Variants in ITSN1 observed in about 807,000 individuals in gnomAD.
The protein encoded by ITSN1 is intersectin 1, also known as intersectin-1.
Under a neutral mutation model 239.8 loss-of-function variants are expected in ITSN1, and 58 were observed. The observed-to-expected ratio is 0.24, with a 90% CI of 0.20 to 0.30. The LOEUF is 0.30. ITSN1 is among the 10% of genes least tolerant of loss of function. The pLI is 1.00. For synonymous variants in ITSN1, 780 were observed against 770.8 expected, an observed-to-expected ratio of 1.01 and a Z score of -0.20; for missense variants, 1,558 against 2,103.3, an observed-to-expected ratio of 0.74 and a Z score of 5.07.
chr21:33,876,111 T>A (rs1459393652), intron 34 of ITSN1, among the ~76,000 whole-genome samples: 1 of 2,850 alleles, frequency 3.5e-4, no homozygotes, highest in Non-Finnish European at 5.4e-4. Flanking sequence ...CCTTCTTTCT[T>A]TCTTTCTTTC....
intron 4 of ITSN1, among the ~76,000 whole-genome samples, chr21:33,729,492 G>A (rs566638640): frequency 1.8e-4 from 27 of 151,862 alleles, no homozygotes; most frequent in Admixed American, 7.9e-4. Flanking sequence ...CTAGTAAGTA[G>A]TGTAAACCAA....
At chr21:33,853,800 C>G (rs1315845538) in intron 29 of ITSN1, among the ~76,000 whole-genome samples, 1 of 152,210 alleles carries the variant, frequency 6.6e-6, no homozygotes. Context: ...CAAGAACACA[C>G]TCTCAGCCCT....
At chr21:33,845,605 T>A (rs2074967349) in intron 29 of ITSN1, among the ~76,000 whole-genome samples, 1 of 152,100 alleles carries the variant, frequency 6.6e-6, no homozygotes, top group Non-Finnish European at 1.5e-5. Context: ...TGTGCTGAAT[T>A]TTAGCACGGC....
intron 31 of ITSN1, 41 bp downstream of exon 31, chr21:33,858,833 C>T (rs1235944711): frequency 2.0e-5 from 24 of 1,220,996 alleles, no homozygotes; most frequent in Admixed American, 5.2e-5. Flanking sequence ...TTGGCCTCCT[C>T]GGCTCTCATG....
chr21:33,788,902 G>A (rs898649602), intron 16 of ITSN1, among the ~76,000 whole-genome samples: 1 of 152,274 alleles, frequency 6.6e-6, no homozygotes, highest in East Asian at 1.9e-4. Flanking sequence ...GATCGTGCCT[G>A]TGAGTAGCCG....
At chr21:33,806,737 C>T (rs572423251) in intron 20 of ITSN1, among the ~76,000 whole-genome samples, 78 of 152,262 alleles carry the variant, frequency 5.1e-4, no homozygotes, top group Middle Eastern at 6.8e-3. Context: ...TTACAGTGTG[C>T]CTGATAAATG....
At chr21:33,802,926 G>A (rs1489035423) in intron 20 of ITSN1, among the ~76,000 whole-genome samples, 1 of 152,154 alleles carries the variant, frequency 6.6e-6, no homozygotes, top group African/African-American at 2.4e-5. Flanking sequence ...ATGAGACCAA[G>A]GGTTACATAA....
At chr21:33,783,131 T>G (rs1051996705) in intron 16 of ITSN1, among the ~76,000 whole-genome samples, 1 of 152,252 alleles carries the variant, frequency 6.6e-6, no homozygotes, top group Non-Finnish European at 1.5e-5. Context: ...ATTTTTGTTA[T>G]TCTTATAAGA....
intron 1 of ITSN1, among the ~76,000 whole-genome samples, chr21:33,718,259 A>G (rs564931852): frequency 1.3e-5 from 2 of 152,338 alleles, no homozygotes; most frequent in African/African-American, 2.4e-5. Flanking sequence ...AGCTTTGATT[A>G]TAACCATCAA....
rs563358078 is a variant in ITSN1 at position 33,787,136 on chromosome 21, G to T, written c.1824+5003G>T. Reference sequence around the variant, plus strand: ...TGACGAGTTGCGTGTGTGTATGGTGGTGTAAACTGAATTACAGGCTGGACA... The same window carrying T: ...TGACGAGTTGCGTGTGTGTATGGTGTTGTAAACTGAATTACAGGCTGGACA... On this transcript the variant is annotated intron_variant, in intron 16 of 39. Coordinates refer to ENST00000381318, the MANE Select transcript of ITSN1 (RefSeq NM_003024.3). Among the ~76,000 whole-genome samples, 4 of 152,294 alleles carry T rather than the reference G, an allele frequency of 2.6e-5. No homozygotes were observed. The South Asian group carries it at 8.3e-4, about 32-fold the overall frequency.
rs958407310 is a variant in ITSN1 at position 33,714,048 on chromosome 21, T to G, written c.-32-4749T>G. Among the ~76,000 whole-genome samples the G allele has an allele frequency of 2.0e-5, 3 of 152,060 alleles. No homozygotes were observed. The South Asian group carries it at 6.3e-4, about 32-fold the overall frequency. ...GGTTTTACCGTGTTAGCCAGGATGG[T>G]CTCCATCTCTTGACCTCGTGATCCA... On this transcript the variant is annotated intron_variant, in intron 1 of 39. Transcript: ENST00000381318.
intron 14 of ITSN1, among the ~76,000 whole-genome samples, chr21:33,777,505 T>A (rs2069735592): frequency 6.6e-6 from 1 of 152,238 alleles, no homozygotes; most frequent in African/African-American, 2.4e-5. Flanking sequence ...TTTGTTGGAA[T>A]TCCATTGAAT....
intron 29 of ITSN1, among the ~76,000 whole-genome samples, chr21:33,849,397 C>T (rs2075086701): frequency 6.6e-6 from 1 of 151,962 alleles, no homozygotes; most frequent in African/African-American, 2.4e-5. Context: ...GAAACCCTGT[C>T]TCTATTAAAA....
chr21:33,799,980 T>G, intron 19 of ITSN1, 51 bp downstream of exon 19: 1 of 1,568,366 alleles, frequency 6.4e-7, no homozygotes, highest in South Asian at 1.2e-5. Flanking sequence ...TTAGCCTCTG[T>G]CCTCTTTTTT....
rs9974956 is a variant in ITSN1, at chr21:33,728,036, C to T, written c.185+5385C>T. ...AAGCTGGGCAGTGGCGCAATCTGGG[C>T]TCACTGCAACCTCTGTCTCCCGGGT... On this transcript the variant is annotated intron_variant, in intron 4 of 39. Coordinates refer to ENST00000381318, the MANE Select transcript of ITSN1 (RefSeq NM_003024.3). 8.2e-3 allele frequency among the ~76,000 whole-genome samples: 1,239 copies of T among 151,252 alleles called. 19 individuals carry two copies. The highest frequency in any genetic ancestry group is 0.028 in the African/African-American group (1,140 of 41,012).
In ITSN1 at chr21:33,886,547, C is replaced by T. The variant is rs912433538; in HGVS notation, c.5017+87C>T. 62 of 1,214,798 alleles carry T rather than the reference C, an allele frequency of 5.1e-5. 1 individual carries two copies. In the South Asian group the frequency reaches 9.3e-4, roughly 18 times the overall value. The allele number at this position is 1,214,798 out of a possible 1,614,324, so 75.3% of individuals were successfully genotyped here. The stretch of plus-strand genomic sequence containing the variant: ...TGTTTTCTTACCTGGGGACTTGGTG[C>T]CAGGATTCCTTCGGTTTCCCTCCTG... On this transcript the variant is annotated intron_variant, in intron 39 of 39. Transcript: ENST00000381318.
intron 1 of ITSN1, among the ~76,000 whole-genome samples, chr21:33,653,001 T>TC (rs2088681490): frequency 6.6e-6 from 1 of 150,950 alleles, no homozygotes; most frequent in African/African-American, 2.4e-5. Context: ...GAAGTTCTTT[T>TC]TTTTTTTTTT....
At chr21:33,776,544 C>CA (rs34789155) in intron 14 of ITSN1, among the ~76,000 whole-genome samples, 3,917 of 88,554 alleles carry the variant, frequency 0.044, 121 homozygotes, top group Admixed American at 0.098. Context: ...AGACCCTGTT[C>CA]AAAAAAAAAA....
chr21:33,732,180 G>A (rs2066228000), intron 4 of ITSN1, among the ~76,000 whole-genome samples: 1 of 152,202 alleles, frequency 6.6e-6, no homozygotes, highest in Non-Finnish European at 1.5e-5. Flanking sequence ...TCATGCGGGT[G>A]AAGCCTCCCG....
Sources: gnomAD v4.1 joint callset for allele counts (sites outside exome capture counted in the v4.1 genomes callset) on GRCh38, gnomAD v4.1.1 for gene constraint, MANE v1.5 for transcripts, NCBI Gene and HGNC (gene_info 2026-07-23, HGNC 2026-07-21) for gene names.